The following TRMT10A variants were observed in gnomAD, a reference collection of about 807,000 sequenced individuals.
TRMT10A encodes tRNA methyltransferase 10 homolog A.
In TRMT10A, 37 loss-of-function variants were observed where a neutral mutation model predicts 40.4. The ratio of observed to expected loss-of-function variants is 0.92; its 90% CI spans 0.71 to 1.21. The LOEUF (loss-of-function observed/expected upper bound fraction) is 1.21, where lower values mean the gene tolerates loss of function less well. TRMT10A is among the 50% of genes most tolerant of loss of function. TRMT10A has a pLI of 0.00. For synonymous variants in TRMT10A, 103 were observed against 134.1 expected, an observed-to-expected ratio of 0.77 and a Z score of 1.60; for missense variants, 388 against 404.3, an observed-to-expected ratio of 0.96 and a Z score of 0.35.
chr4:99,560,285 G>T (rs932226841), intron 1 of TRMT10A, among the ~76,000 whole-genome samples: 1 of 152,020 alleles, frequency 6.6e-6, no homozygotes, highest in Non-Finnish European at 1.5e-5. Context: ...ATAAAAGCAG[G>T]CTTTACTAAA....
chr4:99,558,686 A>G (rs1461672402), intron 2 of TRMT10A, among the ~76,000 whole-genome samples: 6 of 152,142 alleles, frequency 3.9e-5, no homozygotes, highest in African/African-American at 1.2e-4. Flanking sequence ...CATTTATTAC[A>G]ACGACAAATT....
intron 7 of TRMT10A, 109 bp from the exon 8 acceptor site, chr4:99,549,465 T>C: frequency 1.4e-6 from 2 of 1,381,318 alleles, no homozygotes; most frequent in Non-Finnish European, 2.0e-6. Flanking sequence ...TTTGTCCTAA[T>C]AACTACTTTG....
At chr4:99,550,247 T>A (rs1338305818) in intron 7 of TRMT10A, among the ~76,000 whole-genome samples, 1 of 152,236 alleles carries the variant, frequency 6.6e-6, no homozygotes, top group Non-Finnish European at 1.5e-5. Flanking sequence ...TGGAGTGCAG[T>A]GGCACAAACA....
intron 7 of TRMT10A, among the ~76,000 whole-genome samples, chr4:99,549,736 T>A (rs956326176): frequency 9.2e-5 from 14 of 152,186 alleles, no homozygotes. Context: ...AAAGAGCCAC[T>A]CACACTAGGA....
At chr4:99,552,618 G>A (rs943040872) in intron 6 of TRMT10A, among the ~76,000 whole-genome samples, 4 of 151,932 alleles carry the variant, frequency 2.6e-5, no homozygotes, top group African/African-American at 7.2e-5. Flanking sequence ...CATTCTTCCC[G>A]TAAGTGTAAA....
Position 99,559,275 on chromosome 4 carries a change from T to C in TRMT10A, c.64A>G (p.Asn22Asp), listed in dbSNP as rs1724288110. 6.2e-7 allele frequency: 1 copy of C among 1,613,400 alleles called. No individual in the cohort carries two copies. Among genetic ancestry groups the C allele is most frequent in the African/African-American group, 1.3e-5 (1 of 75,028 alleles). The part of the protein sequence containing the change: ...TSNVDKKQGI[N>D]EDQEESQKPR... ...TTCTGGCTCTCCTCTTGATCTTCAT[T>C]TATGCCTTGCTTTTTGTCAACATTA... Residue 22 changes from asparagine to aspartate, a missense_variant, in exon 2 of 8, where the codon AAT becomes GAT. Asn to Asp is a conservative substitution (Grantham distance 23). Transcript: ENST00000394876.
chr4:99,551,479 A>G (rs13135826), intron 6 of TRMT10A, among the ~76,000 whole-genome samples: 10,722 of 152,188 alleles, frequency 0.07, 635 homozygotes, highest in African/African-American at 0.16. Flanking sequence ...GAGCTGTTGG[A>G]ACATCATACT....
At chr4:99,562,855 CTT>C (rs1724493863) in intron 1 of TRMT10A, among the ~76,000 whole-genome samples, 1 of 133,998 alleles carries the variant, frequency 7.5e-6, no homozygotes, top group Non-Finnish European at 1.6e-5. Context: ...GAGTTTCGCT[CTT>C]GTTGCCCAGG....
At chr4:99,550,615 T>C (rs1344954084) in intron 7 of TRMT10A, among the ~76,000 whole-genome samples, 7 of 152,222 alleles carry the variant, frequency 4.6e-5, no homozygotes, top group Non-Finnish European at 1.0e-4. Flanking sequence ...TAATAATATA[T>C]ATACATAGGA....
chr4:99,550,032 A>T (rs1024626666), intron 7 of TRMT10A, among the ~76,000 whole-genome samples: 20 of 152,190 alleles, frequency 1.3e-4, no homozygotes, highest in East Asian at 3.8e-4. Context: ...CGGCTTAAAA[A>T]TTTTTTTAAA....
In TRMT10A at chr4:99,548,247, C is replaced by T. The variant is rs534147290; in HGVS notation, c.*841G>A. On this transcript the variant is annotated 3_prime_UTR_variant, in exon 8 of 8. Transcript: ENST00000394876. ...CTTAGAGAAGAGGAGGCAGATGCAC[C>T]TATAAACTTTATTCATCTTAAGAGC... 2 of 151,316 alleles carry T rather than the reference C, an allele frequency of 1.3e-5. No homozygotes were observed. Among genetic ancestry groups the T allele is most frequent in the African/African-American group, 4.9e-5 (2 of 41,172 alleles). 9.4% of individuals were successfully genotyped at this position (151,316 alleles called of 1,614,324 possible).
Position 99,549,100 on chromosome 4 carries a change from A to G in TRMT10A, c.1008T>C (p.Ser336=). 1.2e-6 allele frequency: 2 copies of G among 1,613,836 alleles called. No homozygotes were observed. Among genetic ancestry groups the G allele is most frequent in the Non-Finnish European group, 1.7e-6 (2 of 1,179,756 alleles). The change falls in exon 8 of 8, where the codon TCT becomes TCC. Residue 336 remains serine (S), a synonymous_variant. Transcript: ENST00000394876. ...KENHTESTVN[S]LPH The stretch of plus-strand genomic sequence containing the variant: ...AAACCAGGTAACATTAGTGTGGCAG[A>G]GAGTTCACTGTAGATTCAGTGTGAT...
rs771875220 is a variant in TRMT10A, at chr4:99,549,331, C to T, written c.777G>A (p.Leu259=). The change falls in exon 8 of 8, where the codon CTG becomes CTA. Residue 259 remains leucine (L), a synonymous_variant. Coordinates refer to ENST00000394876, the MANE Select transcript of TRMT10A (RefSeq NM_001134665.3). The stretch of plus-strand genomic sequence containing the variant: ...ATGCTTCTTGCCAGTCTCTTGTTTC[C>T]AGGTATTCCAGAATAATTTCAAACA... ...NHVFEIILEY[L]ETRDWQEAFF... The T allele has an allele frequency of 5.6e-6, 9 of 1,613,962 alleles. No individual in the cohort carries two copies. In the East Asian group the frequency reaches 2.0e-4, roughly 36 times the overall value.
At position 99,557,344 on chromosome 4, in the gene TRMT10A, C is replaced by T. The variant is rs760530351; in HGVS notation, c.420+1G>A. ...GTCTGCTTTAAAATCTTTACACATA[C>T]CTGCACAGGATGCAGTGCCCGTCGG... On this transcript the variant is annotated splice_donor_variant, in intron 4 of 7. Transcript: ENST00000394876. LOFTEE classifies it high-confidence loss of function. The T allele has an allele frequency of 6.2e-7, 1 of 1,612,364 alleles. No homozygotes were observed. The highest frequency in any genetic ancestry group is 8.5e-7 in the Non-Finnish European group (1 of 1,179,120).
intron 4 of TRMT10A, 82 bp from the exon 5 acceptor site, chr4:99,556,302 T>A: frequency 8.1e-7 from 1 of 1,229,110 alleles, no homozygotes. Context: ...TCTACTTATC[T>A]GACGATCAAT....
intron 1 of TRMT10A, among the ~76,000 whole-genome samples, chr4:99,562,201 A>ATGTGTGTGTGTGTGTGTT (rs1724435507): frequency 1.5e-5 from 2 of 136,158 alleles, no homozygotes; most frequent in Non-Finnish European, 3.1e-5. Flanking sequence ...ATATATATAT[A>ATGTGTGTGTGTGTGTGTT]TGTGTGTGTG....
intron 1 of TRMT10A, among the ~76,000 whole-genome samples, chr4:99,561,299 T>C (rs1011710354): frequency 6.6e-6 from 1 of 152,054 alleles, no homozygotes; most frequent in Non-Finnish European, 1.5e-5. Flanking sequence ...ATGTAATGTT[T>C]TACAGGTCAT....
intron 6 of TRMT10A, among the ~76,000 whole-genome samples, chr4:99,553,314 G>A (rs1355397685): frequency 6.6e-6 from 1 of 152,076 alleles, no homozygotes; most frequent in Non-Finnish European, 1.5e-5. Flanking sequence ...TCCAAATAAA[G>A]GTATGGATGG....
intron 4 of TRMT10A, among the ~76,000 whole-genome samples, chr4:99,556,510 C>T (rs1421934438): frequency 1.3e-5 from 2 of 151,826 alleles, no homozygotes; most frequent in Non-Finnish European, 2.9e-5. Flanking sequence ...CTACAAACTC[C>T]CTGCTTCCAT....
Sources: gnomAD v4.1 joint callset for allele counts (sites outside exome capture counted in the v4.1 genomes callset) on GRCh38, gnomAD v4.1.1 for gene constraint, MANE v1.5 for transcripts, NCBI Gene and HGNC (gene_info 2026-07-23, HGNC 2026-07-21) for gene names.